The following TMCC3 variants were observed in gnomAD, a reference collection of about 807,000 sequenced individuals.
TMCC3 encodes transmembrane and coiled-coil domain family 3.
Under a neutral mutation model 40.2 loss-of-function variants are expected in TMCC3, and 28 were observed. The observed-to-expected ratio is 0.70, with a 90% CI of 0.52 to 0.95. TMCC3 has a LOEUF of 0.95. TMCC3 is among the 40% of genes least tolerant of loss of function. The probability of loss-of-function intolerance (pLI) is 0.00; values close to 1 mark genes in which losing one functional copy is unlikely to be tolerated. For missense variants in TMCC3, 554 were observed against 615.2 expected (o/e 0.90, Z 1.05); for synonymous variants, 255 against 248.5 (o/e 1.03, Z -0.25).
intron 3 of TMCC3, among the ~76,000 whole-genome samples, chr12:94,575,121 T>C (rs2068556017): frequency 1.3e-5 from 2 of 152,200 alleles, no homozygotes; most frequent in Non-Finnish European, 2.9e-5. Context: ...AACCACTCAG[T>C]TGTTTAAAAC....
chr12:94,610,774 C>T (rs112910497), intron 1 of TMCC3, among the ~76,000 whole-genome samples: 12 of 152,246 alleles, frequency 7.9e-5, no homozygotes, highest in South Asian at 4.1e-4. Context: ...CTACTGTGCA[C>T]GCTCATCTGT....
At chr12:94,572,620 C>CAAAA (rs2068539349) in intron 3 of TMCC3, among the ~76,000 whole-genome samples, 1 of 152,112 alleles carries the variant, frequency 6.6e-6, no homozygotes, top group Non-Finnish European at 1.5e-5. Flanking sequence ...CTGACTTTAC[C>CAAAA]TATTTTTGAA....
At chr12:94,604,465 T>C (rs1171653133) in intron 1 of TMCC3, among the ~76,000 whole-genome samples, 2 of 151,972 alleles carry the variant, frequency 1.3e-5, no homozygotes, top group African/African-American at 4.8e-5. Context: ...TATGATAAGC[T>C]CTGCCCTAAG....
chr12:94,645,851 T>G (rs1051823641), intron 1 of TMCC3, among the ~76,000 whole-genome samples: 8 of 152,192 alleles, frequency 5.3e-5, no homozygotes, highest in African/African-American at 1.9e-4. Flanking sequence ...TCAAAAAGTT[T>G]TGGATTTTGG....
chr12:94,594,885 C>T (rs1594277653), intron 1 of TMCC3, among the ~76,000 whole-genome samples: 1 of 152,306 alleles, frequency 6.6e-6, no homozygotes, highest in East Asian at 1.9e-4. Context: ...AATCCAGCAC[C>T]TGTCTTGCAG....
At chr12:94,610,588 T>A (rs560996408) in intron 1 of TMCC3, among the ~76,000 whole-genome samples, 3 of 152,084 alleles carry the variant, frequency 2.0e-5, no homozygotes, top group Non-Finnish European at 4.4e-5. Flanking sequence ...AACCACCCCA[T>A]CTGCTGCCAA....
At chr12:94,623,514 G>A (rs899972584) in intron 1 of TMCC3, among the ~76,000 whole-genome samples, 1 of 152,216 alleles carries the variant, frequency 6.6e-6, no homozygotes, top group Non-Finnish European at 1.5e-5. Context: ...TCTCACAGGT[G>A]TTGTACATTT....
intron 1 of TMCC3, among the ~76,000 whole-genome samples, chr12:94,586,612 T>C (rs936683873): frequency 6.6e-6 from 1 of 151,554 alleles, no homozygotes; most frequent in African/African-American, 2.4e-5. Flanking sequence ...AAGGTTTTCA[T>C]ATTTTACCTT....
At chr12:94,636,170 A>G (rs1191797682) in intron 1 of TMCC3, among the ~76,000 whole-genome samples, 5 of 152,258 alleles carry the variant, frequency 3.3e-5, no homozygotes, top group Non-Finnish European at 5.9e-5. Context: ...AACAATGCAA[A>G]AAATTGCCCT....
At chr12:94,634,411 A>G (rs771082465) in intron 1 of TMCC3, among the ~76,000 whole-genome samples, 1 of 152,114 alleles carries the variant, frequency 6.6e-6, no homozygotes, top group Non-Finnish European at 1.5e-5. Flanking sequence ...CAAAAAAACA[A>G]AAGTTTAAAA....
At chr12:94,584,179 G>A (rs917501073) in intron 1 of TMCC3, among the ~76,000 whole-genome samples, 1 of 152,094 alleles carries the variant, frequency 6.6e-6, no homozygotes, top group African/African-American at 2.4e-5. Flanking sequence ...CGAATCATGG[G>A]GGCGGATTTC....
intron 3 of TMCC3, among the ~76,000 whole-genome samples, chr12:94,578,088 G>A (rs760239728): frequency 5.1e-5 from 7 of 137,652 alleles, no homozygotes; most frequent in East Asian, 2.1e-4. Flanking sequence ...GGCAGAGGTC[G>A]CAGTGAGCTG....
intron 1 of TMCC3, among the ~76,000 whole-genome samples, chr12:94,589,591 T>TTAA (rs1447351638): frequency 1.1e-4 from 17 of 152,200 alleles, no homozygotes; most frequent in Admixed American, 8.5e-4. Flanking sequence ...TTATTACTAT[T>TTAA]TTATAAACTA....
chr12:94,615,783 CAAGCACAAAGATAACTATTAA>C, intron 1 of TMCC3: 1 of 374,922 alleles, frequency 2.7e-6, no homozygotes, highest in African/African-American at 2.2e-5. Context: ...GGGATTTGGG[CAAGCACAAAGATAACTATTAA>C]GAGCACAAAG....
At chr12:94,578,560 G>A (rs761913046) in intron 2 of TMCC3, 31 bp from the exon 3 acceptor site, 15 of 1,601,732 alleles carry the variant, frequency 9.4e-6, no homozygotes, top group Non-Finnish European at 1.2e-5. Flanking sequence ...TTCCCAGTGT[G>A]ACCTTTCACA....
chr12:94,609,038 C>T (rs187954515), intron 1 of TMCC3, among the ~76,000 whole-genome samples: 37 of 151,966 alleles, frequency 2.4e-4, no homozygotes, highest in African/African-American at 7.2e-4. Context: ...CTAAGCAAGA[C>T]GACCCCTGAT....
intron 1 of TMCC3, among the ~76,000 whole-genome samples, chr12:94,600,358 G>A (rs1296122158): frequency 6.6e-6 from 1 of 151,052 alleles, no homozygotes; most frequent in African/African-American, 2.4e-5. Context: ...CTATAGCAAG[G>A]GCAACAGTTT....
chr12:94,631,704 C>A (rs1231636100), intron 1 of TMCC3, among the ~76,000 whole-genome samples: 1 of 152,158 alleles, frequency 6.6e-6, no homozygotes, highest in East Asian at 1.9e-4. Context: ...CAACACTGGC[C>A]CTAATCTCAT....
Position 94,582,336 on chromosome 12 carries a change from G to A in TMCC3, c.281C>T (p.Ala94Val), listed in dbSNP as rs781764514. 1.9e-5 allele frequency: 31 copies of A among 1,613,694 alleles called. No homozygotes were observed. Among genetic ancestry groups the A allele is most frequent in the East Asian group, 8.9e-5 (4 of 44,872 alleles). Residue 94 changes from alanine to valine, a missense_variant, in exon 2 of 4, where the codon GCG becomes GTG. Ala to Val is a moderately conservative substitution (Grantham distance 64, BLOSUM62 0). Transcript: ENST00000261226. ...IEQTSRDGNV[A>V]EYLKLVNNAD... The stretch of plus-strand genomic sequence containing the variant: ...GTTGTTCACTAGTTTCAGATACTCC[G>A]CAACATTCCCATCGCGCGATGTTTG...
Sources: allele counts gnomAD v4.1 joint callset (sites outside exome capture counted in the v4.1 genomes callset), GRCh38; gene constraint gnomAD v4.1.1; transcripts MANE v1.5; gene names NCBI Gene and HGNC (gene_info 2026-07-23, HGNC 2026-07-21).